Variants in MCTP1 observed in about 807,000 individuals in gnomAD.
MCTP1 encodes multiple C2 and transmembrane domain-containing protein 1.
In MCTP1, 69 loss-of-function variants were observed where a neutral mutation model predicts 120.6. The observed-to-expected ratio is 0.57, with a 90% CI of 0.47 to 0.70. The LOEUF (loss-of-function observed/expected upper bound fraction) is 0.70, where lower values mean the gene tolerates loss of function less well. Ranked by LOEUF, MCTP1 falls within the 30% of genes least tolerant of loss-of-function variation. The probability of loss-of-function intolerance (pLI) is 0.00; values close to 1 mark genes in which losing one functional copy is unlikely to be tolerated. For synonymous variants in MCTP1, 529 were observed against 493.1 expected, an observed-to-expected ratio of 1.07 and a Z score of -0.96; for missense variants, 1,203 against 1,248.8, an observed-to-expected ratio of 0.96 and a Z score of 0.55.
chr5:94,827,967 G>A (rs36731), intron 17 of MCTP1, among the ~76,000 whole-genome samples: 73,460 of 151,362 alleles, frequency 0.49, 21,315 homozygotes, highest in Non-Finnish European at 0.67. Flanking sequence ...CCTACTATTC[G>A]TTAAACTCAT....
At chr5:95,080,059 C>G (rs931723572) in intron 1 of MCTP1, among the ~76,000 whole-genome samples, 4 of 152,024 alleles carry the variant, frequency 2.6e-5, no homozygotes, top group African/African-American at 9.7e-5. Context: ...TTTCTTTTCT[C>G]TTTTTCAAAG....
At chr5:94,708,824 G>C in intron 21 of MCTP1, 1 of 434,460 alleles carries the variant, frequency 2.3e-6, no homozygotes, top group Non-Finnish European at 4.2e-6. Flanking sequence ...GGCTTTCTAT[G>C]TGGGAAATAA....
At chr5:95,263,648 G>A (rs1351524084) in intron 1 of MCTP1, among the ~76,000 whole-genome samples, 1 of 152,200 alleles carries the variant, frequency 6.6e-6, no homozygotes, top group Non-Finnish European at 1.5e-5. Flanking sequence ...GATACCTGCT[G>A]CCTCAAAAGT....
intron 17 of MCTP1, among the ~76,000 whole-genome samples, chr5:94,800,296 A>T (rs1687111418): frequency 6.6e-6 from 1 of 152,216 alleles, no homozygotes; most frequent in African/African-American, 2.4e-5. Flanking sequence ...ACTGGAAGCT[A>T]GAAAGCCCTC....
chr5:94,705,880 A>G lies in MCTP1; in HGVS notation c.*1616T>C, dbSNP rs941454087. 9.2e-5 allele frequency: 14 copies of G among 151,700 alleles called. No homozygotes were observed. Among genetic ancestry groups the G allele is most frequent in the African/African-American group, 2.7e-4 (11 of 41,404 alleles). 9.4% of individuals were successfully genotyped at this position (151,700 alleles called of 1,614,324 possible). ...CAGACAGAAGCATGTCATTTTAAAC[A>G]TGATACATTAAATAAAGCATGTTGA... On this transcript the variant is annotated 3_prime_UTR_variant, in exon 23 of 23. Coordinates refer to ENST00000515393, the MANE Select transcript of MCTP1 (RefSeq NM_024717.7).
chr5:95,244,026 T>C (rs1756466979), intron 1 of MCTP1, among the ~76,000 whole-genome samples: 1 of 152,148 alleles, frequency 6.6e-6, no homozygotes, highest in Non-Finnish European at 1.5e-5. Flanking sequence ...GTTTATACAG[T>C]GCAACCTTAA....
intron 1 of MCTP1, among the ~76,000 whole-genome samples, chr5:95,105,994 C>T (rs953659978): frequency 6.6e-6 from 1 of 152,144 alleles, no homozygotes; most frequent in African/African-American, 2.4e-5. Context: ...GACCAAAGAT[C>T]CCAAGGAAAG....
At position 94,707,425 on chromosome 5, in the gene MCTP1, G is replaced by T; in HGVS notation, c.*71C>A. The T allele has an allele frequency of 8.8e-7, 1 of 1,135,400 alleles. No homozygotes were observed. The highest frequency in any genetic ancestry group is 1.3e-6 in the Non-Finnish European group (1 of 770,660). The allele number at this position is 1,135,400 out of a possible 1,614,324, so 70.3% of individuals were successfully genotyped here. A position where few individuals can be genotyped will look rare whatever the true frequency, so the allele number is the denominator to read the frequency against. ...AATAAAAAGCAGAAAGAAAGGAAATGCTGCTGAGGCTGAGGGCTTTTTCTT... is the reference window on the plus strand; with the variant it reads ...AATAAAAAGCAGAAAGAAAGGAAATTCTGCTGAGGCTGAGGGCTTTTTCTT... On this transcript the variant is annotated 3_prime_UTR_variant, in exon 23 of 23. Transcript: ENST00000515393.
At chr5:94,707,970 A>AT (rs1423966802) in intron 22 of MCTP1, among the ~76,000 whole-genome samples, 1 of 147,428 alleles carries the variant, frequency 6.8e-6, no homozygotes, top group Non-Finnish European at 1.5e-5. Context: ...CAGCTTCAGG[A>AT]TTTAAAAAAA....
chr5:95,237,494 A>G (rs1439691630), intron 1 of MCTP1, among the ~76,000 whole-genome samples: 1 of 152,156 alleles, frequency 6.6e-6, no homozygotes, highest in Non-Finnish European at 1.5e-5. Flanking sequence ...TGAGATAGGA[A>G]GCCCCATCCT....
intron 1 of MCTP1, among the ~76,000 whole-genome samples, chr5:95,219,715 C>A (rs943842165): frequency 6.6e-6 from 1 of 152,156 alleles, no homozygotes; most frequent in African/African-American, 2.4e-5. Context: ...TCCTGGTGAG[C>A]AACTTAAATG....
intron 2 of MCTP1, among the ~76,000 whole-genome samples, chr5:94,971,985 G>A: frequency 6.6e-6 from 1 of 152,000 alleles, no homozygotes; most frequent in East Asian, 1.9e-4. Context: ...TGTTCAATTG[G>A]TAAAACATCT....
At chr5:95,195,423 C>T (rs1184460372) in intron 1 of MCTP1, among the ~76,000 whole-genome samples, 1 of 152,074 alleles carries the variant, frequency 6.6e-6, no homozygotes, top group Non-Finnish European at 1.5e-5. Flanking sequence ...CTGTGACAGA[C>T]AAGGAGATGT....
At chr5:94,922,159 G>A (rs1437677455) in intron 7 of MCTP1, among the ~76,000 whole-genome samples, 5 of 152,144 alleles carry the variant, frequency 3.3e-5, no homozygotes, top group Non-Finnish European at 5.9e-5. Context: ...TCACACCGTG[G>A]ATACAAGAAA....
At chr5:94,710,962 A>G (rs918374891) in intron 20 of MCTP1, 35 bp from the exon 21 acceptor site, 3 of 1,384,284 alleles carry the variant, frequency 2.2e-6, no homozygotes, top group African/African-American at 1.4e-5. Flanking sequence ...CAATCTGAGT[A>G]CTTCATACTT....
At chr5:94,967,400 C>T (rs1317129441) in intron 2 of MCTP1, among the ~76,000 whole-genome samples, 1 of 152,182 alleles carries the variant, frequency 6.6e-6, no homozygotes, top group Non-Finnish European at 1.5e-5. Flanking sequence ...GAGTTCACAG[C>T]TGAAGAAACT....
chr5:94,833,349 G>C (rs1246619199), intron 17 of MCTP1, among the ~76,000 whole-genome samples: 5 of 151,798 alleles, frequency 3.3e-5, no homozygotes, highest in East Asian at 3.9e-4. Context: ...TCTGGACACT[G>C]TATCCTCCCT....
At chr5:95,150,870 C>T (rs953570856) in intron 1 of MCTP1, among the ~76,000 whole-genome samples, 2 of 152,090 alleles carry the variant, frequency 1.3e-5, no homozygotes, top group African/African-American at 2.4e-5. Flanking sequence ...TTACTAGTAA[C>T]CTACTGTTGA....
intron 19 of MCTP1, among the ~76,000 whole-genome samples, chr5:94,752,108 A>AAT (rs146434254): frequency 0.02 from 1,535 of 75,562 alleles, 87 homozygotes; most frequent in East Asian, 0.11. Flanking sequence ...TAAATAATAA[A>AAT]ATATATATAT....
Sources: allele counts gnomAD v4.1 joint callset (sites outside exome capture counted in the v4.1 genomes callset), GRCh38; gene constraint gnomAD v4.1.1; transcripts MANE v1.5; gene names NCBI Gene and HGNC (gene_info 2026-07-23, HGNC 2026-07-21).